Variants in EIF2B2 observed in about 807,000 individuals in gnomAD.
EIF2B2 encodes the protein translation initiation factor eIF2B subunit beta.
Under a neutral mutation model 34.7 loss-of-function variants are expected in EIF2B2, and 34 were observed. That is an observed-to-expected ratio of 0.98 (90% CI 0.75 to 1.31). The LOEUF (loss-of-function observed/expected upper bound fraction) is 1.31. Among genes scored for constraint, EIF2B2 ranks in the 50% most tolerant of loss-of-function variants. The pLI is 0.00. For missense variants in EIF2B2, 361 were observed against 447.7 expected (o/e 0.81, Z 1.75); for synonymous variants, 155 against 171.6 (o/e 0.90, Z 0.76).
Position 75,004,872 on chromosome 14 carries a change from T to C in EIF2B2, c.569T>C (p.Ile190Thr), listed in dbSNP as rs2139253067. Residue 190 changes from isoleucine to threonine, a missense_variant, in exon 4 of 8, where the codon ATT becomes ACT. Ile to Thr is a moderately conservative substitution (Grantham distance 89, BLOSUM62 -1). Transcript: ENST00000266126. Reference protein sequence around the residue: ...EAARKRKFHVIVAECAPFCQG... With the variant: ...EAARKRKFHVTVAECAPFCQG... ...GCCCGAAAGAGGAAATTCCATGTCATTGTAGCAGAGTGTGCTCCTTTCTGC... is the reference window on the plus strand; with the variant it reads ...GCCCGAAAGAGGAAATTCCATGTCACTGTAGCAGAGTGTGCTCCTTTCTGC... The C allele has an allele frequency of 1.2e-6, 2 of 1,612,818 alleles. No homozygotes were observed. The highest frequency in any genetic ancestry group is 1.7e-6 in the Non-Finnish European group (2 of 1,179,482).
Position 75,004,846 on chromosome 14 carries a change from T to TG in EIF2B2, c.544dup (p.Ala182GlyfsTer21). 1 of 1,613,288 alleles carries TG rather than the reference T, an allele frequency of 6.2e-7. No individual in the cohort carries two copies. The highest frequency in any genetic ancestry group is 1.1e-5 in the South Asian group (1 of 91,050). On this transcript the variant is annotated frameshift_variant, in exon 4 of 8. Transcript: ENST00000266126. LOFTEE classifies it high-confidence loss of function. ...CAGTAGAGGCCTTCCTCAAAGAGGC[T>TG]GCCCGAAAGAGGAAATTCCATGTCA...
In EIF2B2 at chr14:75,002,946, A is replaced by G. The variant is rs1232273710; in HGVS notation, c.-45A>G. ...GGAAGTGCAAACTGTGTGGTCTGGC[A>G]GGTGTGGATTCCGCCGGTGAAGGCT... On this transcript the variant is annotated 5_prime_UTR_variant, in exon 1 of 8. Coordinates refer to ENST00000266126, the MANE Select transcript of EIF2B2 (RefSeq NM_014239.4). 1 of 1,613,006 alleles carries G rather than the reference A, an allele frequency of 6.2e-7. No homozygotes were observed. The highest frequency in any genetic ancestry group is 1.3e-5 in the African/African-American group (1 of 75,030).
intron 7 of EIF2B2, 122 bp downstream of exon 7, chr14:75,007,910 T>G (rs1889651199): frequency 1.1e-6 from 1 of 941,754 alleles, no homozygotes; most frequent in Middle Eastern, 2.1e-4. Context: ...AAGTTGTGTT[T>G]TTTATCATAC....
At position 75,006,468 on chromosome 14, in the gene EIF2B2, A is replaced by G. The variant is rs565832769; in HGVS notation, c.694-109A>G. 8.5e-5 allele frequency: 128 copies of G among 1,498,354 alleles called. No homozygotes were observed. In the Admixed American group the frequency reaches 9.6e-4, roughly 11 times the overall value. The allele number at this position is 1,498,354 out of a possible 1,614,324, so 92.8% of individuals were successfully genotyped here. A position where few individuals can be genotyped will look rare whatever the true frequency, so the allele number is the denominator to read the frequency against. On this transcript the variant is annotated intron_variant, in intron 5 of 7. Coordinates refer to ENST00000266126, the MANE Select transcript of EIF2B2 (RefSeq NM_014239.4). The surrounding 1 kb of genome is among the most constrained non-coding windows in gnomAD (Gnocchi z 4.1). ...ATCCCTTCACCTCTACCAGTCTGTG[A>G]CCCCTCACGATACCAATTCTGAGGT...
At position 75,006,947 on chromosome 14, in the gene EIF2B2, G is replaced by C. The variant is rs911648021; in HGVS notation, c.831+233G>C. The C allele has an allele frequency of 1.4e-6, 1 of 692,478 alleles. No homozygotes were observed. The highest frequency in any genetic ancestry group is 2.6e-6 in the Non-Finnish European group (1 of 387,406). The allele number at this position is 692,478 out of a possible 1,614,324, so 42.9% of individuals were successfully genotyped here. On this transcript the variant is annotated intron_variant, in intron 6 of 7. Transcript: ENST00000266126. This position sits in a 1 kb window ranked among gnomAD's most constrained non-coding sequence, Gnocchi z 4.1. ...GTCAAGATTGTAAGGACAATATGTA[G>C]TTGGGAAAGGTCCTTTGCTTACGAT...
chr14:75,011,430 C>A lies in EIF2B2; in HGVS notation c.*2242C>A, dbSNP rs1448687745. ...AGTGTCTGTGTGGGTGGAGGGAGCA[C>A]TAAGAATCTGCATGTTTAACAAATA... On this transcript the variant is annotated 3_prime_UTR_variant, in exon 8 of 8. Transcript: ENST00000266126. 1 of 152,146 alleles carries A rather than the reference C, an allele frequency of 6.6e-6. No individual in the cohort carries two copies. Among genetic ancestry groups the A allele is most frequent in the South Asian group, 2.1e-4 (1 of 4,834 alleles). The allele number at this position is 152,146 out of a possible 1,614,324, so 9.4% of individuals were successfully genotyped here. A position where few individuals can be genotyped will look rare whatever the true frequency, so the allele number is the denominator to read the frequency against.
chr14:75,005,941 G>A lies in EIF2B2; in HGVS notation c.673G>A (p.Val225Ile), dbSNP rs754142566. ...CATGACTGATGCTGCCATTTTTGCC[G>A]TTATGTCAAGAGTCAACAAGGTGGG... ...TVMTDAAIFA[V>I]MSRVNKVIIG... Residue 225 changes from valine to isoleucine, a missense_variant, in exon 5 of 8, where the codon GTT becomes ATT. Val to Ile is a conservative substitution (Grantham distance 29). Coordinates refer to ENST00000266126, the MANE Select transcript of EIF2B2 (RefSeq NM_014239.4). 20 of 1,613,018 alleles carry A rather than the reference G, an allele frequency of 1.2e-5. No individual in the cohort carries two copies. Among genetic ancestry groups the A allele is most frequent in the African/African-American group, 1.1e-4 (8 of 74,876 alleles).
Position 75,012,162 on chromosome 14 carries a change from CAG to C in EIF2B2, c.*2976_*2977del, listed in dbSNP as rs1157214197. On this transcript the variant is annotated 3_prime_UTR_variant, in exon 8 of 8. Transcript: ENST00000266126. ...AGAACCTGAACTGAACAGGAGGAAACAGAAGTTCCACATCAACTCACTACCTG... is the reference window on the plus strand; with the variant it reads ...AGAACCTGAACTGAACAGGAGGAAACAAGTTCCACATCAACTCACTACCTG... The C allele has an allele frequency of 6.6e-6, 1 of 152,072 alleles. No homozygotes were observed. Among genetic ancestry groups the C allele is most frequent in the Non-Finnish European group, 1.5e-5 (1 of 68,024 alleles). 9.4% of individuals were successfully genotyped at this position (152,072 alleles called of 1,614,324 possible).
At chr14:75,004,603 G>A in intron 3 of EIF2B2, 134 bp from the exon 4 acceptor site, 1 of 271,528 alleles carries the variant, frequency 3.7e-6, no homozygotes, top group Non-Finnish European at 6.0e-6. Flanking sequence ...GGTGGGCAGT[G>A]CATGTGAAGG....
In EIF2B2 at chr14:75,006,858, A is replaced by G. The variant is rs1327597694; in HGVS notation, c.831+144A>G. ...ATGGATTACACCCAGTGGAGGCTGG[A>G]AAGAACCACAGAAGTCTTGATTCAG... On this transcript the variant is annotated intron_variant, in intron 6 of 7. Coordinates refer to ENST00000266126, the MANE Select transcript of EIF2B2 (RefSeq NM_014239.4). This position sits in a 1 kb window ranked among gnomAD's most constrained non-coding sequence, Gnocchi z 4.1. The G allele has an allele frequency of 3.3e-6, 4 of 1,210,418 alleles. No homozygotes were observed. Among genetic ancestry groups the G allele is most frequent in the Non-Finnish European group, 3.6e-6 (3 of 828,254 alleles). The allele number at this position is 1,210,418 out of a possible 1,614,324, so 75.0% of individuals were successfully genotyped here. A position where few individuals can be genotyped will look rare whatever the true frequency, so the allele number is the denominator to read the frequency against.
Position 75,012,021 on chromosome 14 carries a change from A to C in EIF2B2, c.*2833A>C, listed in dbSNP as rs746992062. The C allele has an allele frequency of 7.9e-5, 12 of 152,238 alleles. No homozygotes were observed. The highest frequency in any genetic ancestry group is 1.8e-4 in the Non-Finnish European group (12 of 68,050). The allele number at this position is 152,238 out of a possible 1,614,324, so 9.4% of individuals were successfully genotyped here. A position where few individuals can be genotyped will look rare whatever the true frequency, so the allele number is the denominator to read the frequency against. ...ACAGTGCCTAGAACAGAACTGCAGGAATGCATACTTTTTAGAATCTTTATG... is the reference window on the plus strand; with the variant it reads ...ACAGTGCCTAGAACAGAACTGCAGGCATGCATACTTTTTAGAATCTTTATG... On this transcript the variant is annotated 3_prime_UTR_variant, in exon 8 of 8. Coordinates refer to ENST00000266126, the MANE Select transcript of EIF2B2 (RefSeq NM_014239.4).
chr14:75,004,238 T>C (rs933327697), intron 3 of EIF2B2, among the ~76,000 whole-genome samples: 6 of 152,220 alleles, frequency 3.9e-5, no homozygotes, highest in Non-Finnish European at 8.8e-5. Context: ...TTTACCCTAT[T>C]CTCAGCACTT....
chr14:75,004,687 ATATTT>A (rs763187125), intron 3 of EIF2B2, 45 bp from the exon 4 acceptor site: 3 of 107,440 alleles, frequency 2.8e-5, no homozygotes, highest in Non-Finnish European at 3.8e-5. Flanking sequence ...ATATATATAT[ATATTT>A]TTTTTTTTTT....
At position 75,006,844 on chromosome 14, in the gene EIF2B2, C is replaced by A; in HGVS notation, c.831+130C>A. On this transcript the variant is annotated intron_variant, in intron 6 of 7. Coordinates refer to ENST00000266126, the MANE Select transcript of EIF2B2 (RefSeq NM_014239.4). The surrounding 1 kb of genome is among the most constrained non-coding windows in gnomAD (Gnocchi z 4.1). ...TCTGCATTTACTCAATGGATTACAC[C>A]CAGTGGAGGCTGGAAAGAACCACAG... is the stretch of plus-strand genomic sequence containing the variant. The A allele has an allele frequency of 7.5e-7, 1 of 1,332,090 alleles. No homozygotes were observed. The highest frequency in any genetic ancestry group is 1.1e-6 in the Non-Finnish European group (1 of 937,044). 82.5% of individuals were successfully genotyped at this position (1,332,090 alleles called of 1,614,324 possible).
rs141355163 is a variant in EIF2B2, at chr14:75,003,066, G to C, written c.76G>C (p.Gly26Arg). The C allele has an allele frequency of 9.4e-4, 1,516 of 1,614,088 alleles. 14 individuals carry two copies. The highest frequency in any genetic ancestry group is 8.2e-5 in the Non-Finnish European group (97 of 1,180,020). Residue 26 changes from glycine (G) to arginine (R), a missense_variant, in exon 1 of 8, where the codon GGT becomes CGT. Gly to Arg is a moderately radical substitution (Grantham distance 125). Coordinates refer to ENST00000266126, the MANE Select transcript of EIF2B2 (RefSeq NM_014239.4). ...CTTCGTGGAGACCCTGAAGCGGGGT[G>C]GTGGGCCGCGCAGCTCCGAGGAAAT... ...ESFVETLKRG[G>R]GPRSSEEMAR...
intron 7 of EIF2B2, 117 bp downstream of exon 7, chr14:75,007,905 G>C: frequency 2.0e-6 from 2 of 1,012,224 alleles, no homozygotes; most frequent in Non-Finnish European, 3.0e-6. Context: ...CTGTCAAGTT[G>C]TGTTTTTTAT....
chr14:75,003,434 A>G (rs780391000), intron 2 of EIF2B2, 39 bp downstream of exon 2: 2 of 1,613,624 alleles, frequency 1.2e-6, no homozygotes, highest in Non-Finnish European at 8.5e-7. Context: ...GGATCCAGTG[A>G]CACTTTTTGC....
In EIF2B2 at chr14:75,005,877, G is replaced by A; in HGVS notation, c.609G>A (p.Met203Ile). Residue 203 changes from methionine to isoleucine, a missense_variant, in exon 5 of 8, where the codon ATG becomes ATA. Transcript: ENST00000266126. ...CCCTCCCATTGCAGGGTCATGAAAT[G>A]GCTGTGAATTTGTCCAAAGCAGGTA... ...ECAPFCQGHE[M>I]AVNLSKAGIE... 6.2e-7 allele frequency: 1 copy of A among 1,613,278 alleles called. No individual in the cohort carries two copies. The highest frequency in any genetic ancestry group is 8.5e-7 in the Non-Finnish European group (1 of 1,179,384).
intron 4 of EIF2B2, chr14:75,005,252 C>G: frequency 2.9e-6 from 1 of 345,558 alleles, no homozygotes; most frequent in East Asian, 7.5e-5. Context: ...TGGCACATGC[C>G]TGTAATCCCA....
Sources: allele counts gnomAD v4.1 joint callset (sites outside exome capture counted in the v4.1 genomes callset), GRCh38; gene constraint gnomAD v4.1.1; non-coding constraint Gnocchi (gnomAD v3.1); transcripts MANE v1.5; gene names NCBI Gene and HGNC (gene_info 2026-07-23, HGNC 2026-07-21).